Variants in TSC22D1 observed in about 807,000 individuals in gnomAD.
TSC22D1 encodes TSC22 domain family member 1.
A neutral mutation model predicts 74.2 loss-of-function variants in TSC22D1; 9 were observed. That is an observed-to-expected ratio of 0.12 (90% CI 0.07 to 0.21). TSC22D1 has a LOEUF of 0.21. TSC22D1 is among the 10% of genes least tolerant of loss of function. TSC22D1 has a pLI of 1.00. For synonymous variants in TSC22D1, 586 were observed against 492.5 expected, an observed-to-expected ratio of 1.19 and a Z score of -2.51; for missense variants, 1,427 against 1,304.7, an observed-to-expected ratio of 1.09 and a Z score of -1.44.
chr13:44,479,988 AT>A (rs2137929483), intron 1 of TSC22D1, among the ~76,000 whole-genome samples: 1 of 152,382 alleles, frequency 6.6e-6, no homozygotes, highest in South Asian at 2.1e-4. Flanking sequence ...ACAGCTCTGT[AT>A]TTAACAAACA....
At chr13:44,517,572 C>T (rs189574433) in intron 1 of TSC22D1, among the ~76,000 whole-genome samples, 1 of 150,980 alleles carries the variant, frequency 6.6e-6, no homozygotes, top group Admixed American at 6.6e-5. Flanking sequence ...GGGCCAGGTG[C>T]GGTGGCTTGC....
intron 1 of TSC22D1, among the ~76,000 whole-genome samples, chr13:44,481,442 A>G (rs1285834988): frequency 6.6e-6 from 1 of 152,214 alleles, no homozygotes; most frequent in Non-Finnish European, 1.5e-5. Flanking sequence ...TATCCTGATA[A>G]AGCAAAGTCC....
At chr13:44,563,266 TGA>T (rs1315615261) in intron 1 of TSC22D1, among the ~76,000 whole-genome samples, 1 of 152,192 alleles carries the variant, frequency 6.6e-6, no homozygotes, top group Non-Finnish European at 1.5e-5. Flanking sequence ...CATATTGCTT[TGA>T]GAGAGAAGAC....
intron 1 of TSC22D1, among the ~76,000 whole-genome samples, chr13:44,492,389 G>T (rs768714178): frequency 6.6e-6 from 1 of 152,074 alleles, no homozygotes; most frequent in Non-Finnish European, 1.5e-5. Context: ...AATGTGTATC[G>T]CTTTTGCACC....
chr13:44,558,975 T>C (rs1882864134), intron 1 of TSC22D1, among the ~76,000 whole-genome samples: 1 of 152,200 alleles, frequency 6.6e-6, no homozygotes, highest in South Asian at 2.1e-4. Context: ...TAACCAATTG[T>C]ACAAATGTAT....
intron 1 of TSC22D1, among the ~76,000 whole-genome samples, chr13:44,517,780 CAT>C (rs1205399224): frequency 1.8e-5 from 2 of 110,550 alleles, no homozygotes; most frequent in Non-Finnish European, 3.6e-5. Context: ...TATATATACA[CAT>C]ATATATACAT....
chr13:44,472,791 T>C (rs1018984080), intron 1 of TSC22D1, among the ~76,000 whole-genome samples: 1 of 152,198 alleles, frequency 6.6e-6, no homozygotes, highest in Admixed American at 6.5e-5. Context: ...GCAATTTTCT[T>C]TGTTTTGAGG....
chr13:44,435,622 T>C (rs1874527276), intron 2 of TSC22D1, among the ~76,000 whole-genome samples: 1 of 152,198 alleles, frequency 6.6e-6, no homozygotes, highest in Non-Finnish European at 1.5e-5. Flanking sequence ...GTGCACCGTC[T>C]AGAAGACCCT....
At position 44,484,654 on chromosome 13, in the gene TSC22D1, G is replaced by A. The variant is rs186792754; in HGVS notation, c.2913-48559C>T. ...CATATTTAACAATTTATGGCCCAAC[G>A]CAAACCCTAGAAGTAAATCTAAGTA... On this transcript the variant is annotated intron_variant, in intron 1 of 2. Transcript: ENST00000458659. Among the ~76,000 whole-genome samples the A allele has an allele frequency of 2.6e-5, 4 of 152,256 alleles. No individual in the cohort carries two copies. In the East Asian group the frequency reaches 7.7e-4, roughly 29 times the overall value.
chr13:44,498,214 C>T (rs1879060726), intron 1 of TSC22D1, among the ~76,000 whole-genome samples: 1 of 152,074 alleles, frequency 6.6e-6, no homozygotes, highest in African/African-American at 2.4e-5. Context: ...GGGAAGATCA[C>T]CTGAGACTGG....
At chr13:44,507,763 T>TTTTGCTTCCCCAACTCCCCATG (rs1879506414) in intron 1 of TSC22D1, among the ~76,000 whole-genome samples, 1 of 152,184 alleles carries the variant, frequency 6.6e-6, no homozygotes, top group Non-Finnish European at 1.5e-5. Flanking sequence ...ATCCCTTCAG[T>TTTTGCTTCCCCAACTCCCCATG]TTTGCTTCCC....
intron 1 of TSC22D1, among the ~76,000 whole-genome samples, chr13:44,548,033 T>C (rs1395408554): frequency 1.3e-5 from 2 of 152,196 alleles, no homozygotes; most frequent in Non-Finnish European, 2.9e-5. Flanking sequence ...TATGGAATAT[T>C]ATTATCACAA....
intron 1 of TSC22D1, chr13:44,539,157 G>A (rs1881319439): frequency 1.0e-6 from 1 of 985,134 alleles, no homozygotes. Flanking sequence ...TGACTTTTGA[G>A]TATATTAAAC....
chr13:44,453,214 C>T (rs1876296680), intron 1 of TSC22D1, among the ~76,000 whole-genome samples: 1 of 152,198 alleles, frequency 6.6e-6, no homozygotes, highest in Admixed American at 6.5e-5. Context: ...TTCTGTTAAG[C>T]TAATACAACC....
intron 1 of TSC22D1, among the ~76,000 whole-genome samples, chr13:44,463,566 T>C (rs1014425386): frequency 2.0e-5 from 3 of 152,190 alleles, no homozygotes; most frequent in African/African-American, 7.2e-5. Flanking sequence ...GAGGTTTGCA[T>C]AAAGAGAACA....
chr13:44,448,664 T>C (rs1238354046), intron 1 of TSC22D1, among the ~76,000 whole-genome samples: 1 of 152,178 alleles, frequency 6.6e-6, no homozygotes, highest in Non-Finnish European at 1.5e-5. Context: ...CTCTGTGACA[T>C]AAATGAGGTC....
At chr13:44,502,234 CAG>C (rs1879253218) in intron 1 of TSC22D1, among the ~76,000 whole-genome samples, 2 of 152,070 alleles carry the variant, frequency 1.3e-5, no homozygotes, top group South Asian at 4.1e-4. Flanking sequence ...CATTTGGTTC[CAG>C]AGACACAAAG....
chr13:44,551,445 TCTCA>T (rs1316117775), intron 1 of TSC22D1, among the ~76,000 whole-genome samples: 1 of 149,348 alleles, frequency 6.7e-6, no homozygotes, highest in African/African-American at 2.5e-5. Context: ...TGAGACAGAG[TCTCA>T]CTCTGTTGTT....
intron 1 of TSC22D1, among the ~76,000 whole-genome samples, chr13:44,444,385 G>A (rs1046668450): frequency 6.9e-6 from 1 of 145,838 alleles, no homozygotes; most frequent in Non-Finnish European, 1.5e-5. Flanking sequence ...TTAAAAAGCA[G>A]ATACTGCTAG....
Sources: allele counts gnomAD v4.1 joint callset (sites outside exome capture counted in the v4.1 genomes callset), GRCh38; gene constraint gnomAD v4.1.1; transcripts MANE v1.5; gene names NCBI Gene and HGNC (gene_info 2026-07-23, HGNC 2026-07-21).